GMCL1: variants seen among roughly 807,000 people sequenced by gnomAD.
The protein encoded by GMCL1 is germ cell-less 1, spermatogenesis associated.
A neutral mutation model predicts 75.5 loss-of-function variants in GMCL1; 54 were observed. The ratio of observed to expected loss-of-function variants is 0.71; its 90% CI spans 0.57 to 0.90. The LOEUF (loss-of-function observed/expected upper bound fraction) is 0.90, where lower values mean the gene tolerates loss of function less well. Ranked by LOEUF, GMCL1 falls within the 40% of genes least tolerant of loss-of-function variation. GMCL1 has a pLI of 0.00. For missense variants in GMCL1, 537 were observed against 622.7 expected (o/e 0.86, Z 1.47); for synonymous variants, 210 against 209.6 (o/e 1.00, Z -0.02).
intron 13 of GMCL1, among the ~76,000 whole-genome samples, chr2:69,875,495 T>C (rs1017283588): frequency 1.3e-5 from 2 of 152,140 alleles, no homozygotes; most frequent in African/African-American, 4.8e-5. Flanking sequence ...TTATCAAGTT[T>C]CCTTGCAAAA....
At chr2:69,858,202 A>T (rs1158011579) in intron 9 of GMCL1, among the ~76,000 whole-genome samples, 5 of 152,088 alleles carry the variant, frequency 3.3e-5, no homozygotes, top group Non-Finnish European at 5.9e-5. Flanking sequence ...GTGGGTAGAG[A>T]CAGAGTCTTG....
chr2:69,848,402 A>G (rs767060418), intron 7 of GMCL1, among the ~76,000 whole-genome samples: 39 of 152,350 alleles, frequency 2.6e-4, no homozygotes, highest in Admixed American at 8.5e-4. Context: ...GGGCTATCCA[A>G]TCTTTTAAAA....
intron 3 of GMCL1, chr2:69,840,157 C>G (rs988073731): frequency 6.6e-6 from 1 of 152,218 alleles, no homozygotes; most frequent in African/African-American, 2.4e-5. Context: ...GCCTGTAATC[C>G]CAGCACGTTG....
At chr2:69,850,981 C>A (rs903141461) in intron 8 of GMCL1, among the ~76,000 whole-genome samples, 7 of 152,128 alleles carry the variant, frequency 4.6e-5, no homozygotes, top group African/African-American at 1.4e-4. Context: ...CATATGTTTC[C>A]TCTTCTGTGA....
chr2:69,849,753 A>G lies in GMCL1; in HGVS notation c.934+11A>G. 1 of 1,521,150 alleles carries G rather than the reference A, an allele frequency of 6.6e-7. No individual in the cohort carries two copies. The highest frequency in any genetic ancestry group is 2.1e-5 in the Admixed American group (1 of 47,118). The allele number at this position is 1,521,150 out of a possible 1,614,324, so 94.2% of individuals were successfully genotyped here. On this transcript the variant is annotated intron_variant, in intron 8 of 13. Transcript: ENST00000282570. ...CTAAACAGAGGAAAGGTAGGCCTGA[A>G]GTTTTTGAGAACTTGTCTTTTAAAA...
Position 69,843,245 on chromosome 2 carries a change from G to C in GMCL1, c.676G>C (p.Asp226His). ...CACATCAGCAGGGACCTATGGATTA[G>C]ATTCTGTAAAGAAAAAGTGAGTTGC... is the stretch of plus-strand genomic sequence containing the variant. ...YYTSAGTYGLDSVKKKCLEWL... is the reference protein window; with the variant it reads ...YYTSAGTYGLHSVKKKCLEWL... Residue 226 changes from aspartate (D) to histidine (H), a missense_variant, in exon 5 of 14, where the codon GAT (aspartate) becomes CAT (histidine). Transcript: ENST00000282570. 6.3e-7 allele frequency: 1 copy of C among 1,588,196 alleles called. No homozygotes were observed. Among genetic ancestry groups the C allele is most frequent in the Non-Finnish European group, 8.6e-7 (1 of 1,158,680 alleles).
At chr2:69,833,675 T>G (rs1674737928) in intron 1 of GMCL1, among the ~76,000 whole-genome samples, 1 of 152,236 alleles carries the variant, frequency 6.6e-6, no homozygotes, top group African/African-American at 2.4e-5. Flanking sequence ...TTTTGTGTGT[T>G]GGCCCTAGTA....
At chr2:69,841,938 AG>A (rs1203041152) in intron 4 of GMCL1, among the ~76,000 whole-genome samples, 2 of 152,208 alleles carry the variant, frequency 1.3e-5, no homozygotes, top group African/African-American at 4.8e-5. Flanking sequence ...ATTGCAGAAG[AG>A]GGGGGCAGAA....
rs1676203959 is a variant in GMCL1 at position 69,878,971 on chromosome 2, C to T, written c.1515C>T (p.Asn505=). 1 of 1,606,596 alleles carries T rather than the reference C, an allele frequency of 6.2e-7. No individual in the cohort carries two copies. Among genetic ancestry groups the T allele is most frequent in the African/African-American group, 1.3e-5 (1 of 74,736 alleles). The change falls in exon 14 of 14, where the codon AAC becomes AAT. Residue 505 remains asparagine, a synonymous_variant. Transcript: ENST00000282570. ...TCTTCCCTTTATATATCTGCTGTAA[C>T]TTCTTGTATATATCACCAGAAAAAA... The part of the protein sequence containing the change: ...LLIFPLYICC[N]FLYISPEKKN
Position 69,829,904 on chromosome 2 carries a change from GAGC to G in GMCL1, c.16_18del (p.Ser6del). 1.2e-6 allele frequency: 2 copies of G among 1,600,234 alleles called. No homozygotes were observed. Among genetic ancestry groups the G allele is most frequent in the Non-Finnish European group, 8.5e-7 (1 of 1,173,410 alleles). On this transcript the variant is annotated inframe_deletion, in exon 1 of 14. Coordinates refer to ENST00000282570, the MANE Select transcript of GMCL1 (RefSeq NM_178439.5). The stretch of plus-strand genomic sequence containing the variant: ...GGGAGCCGTGACCCATGGGATCGTT[GAGC>G]AGCCGGGTGCTGCGCCAGCCAAGAC...
At chr2:69,850,982 T>A (rs1675303774) in intron 8 of GMCL1, among the ~76,000 whole-genome samples, 1 of 152,238 alleles carries the variant, frequency 6.6e-6, no homozygotes, top group African/African-American at 2.4e-5. Context: ...ATATGTTTCC[T>A]CTTCTGTGAG....
rs544354518 is a variant in GMCL1, at chr2:69,829,670, G to C, written c.-223G>C. On this transcript the variant is annotated 5_prime_UTR_variant, in exon 1 of 14. Coordinates refer to ENST00000282570, the MANE Select transcript of GMCL1 (RefSeq NM_178439.5). ...CGCCCTCCGTCCCGCGCTTTGTTGC[G>C]AAAGCGAGGGGGCGAGGTGCTGCGG... 2 of 525,078 alleles carry C rather than the reference G, an allele frequency of 3.8e-6. No individual in the cohort carries two copies. Among genetic ancestry groups the C allele is most frequent in the South Asian group, 5.5e-5 (2 of 36,496 alleles). The allele number at this position is 525,078 out of a possible 1,614,324, so 32.5% of individuals were successfully genotyped here. A position where few individuals can be genotyped will look rare whatever the true frequency, so the allele number is the denominator to read the frequency against.
At chr2:69,846,468 A>G (rs1416846196) in intron 6 of GMCL1, among the ~76,000 whole-genome samples, 6 of 152,218 alleles carry the variant, frequency 3.9e-5, no homozygotes, top group Non-Finnish European at 7.3e-5. Flanking sequence ...TGCAAATACT[A>G]TGCCATTTTA....
At chr2:69,843,397 A>G in intron 5 of GMCL1, 136 bp downstream of exon 5, 1 of 559,098 alleles carries the variant, frequency 1.8e-6, no homozygotes, top group South Asian at 2.3e-5. Flanking sequence ...TTTATTAAAT[A>G]AAAAGCCCCT....
chr2:69,844,802 G>A, intron 6 of GMCL1: 1 of 333,948 alleles, frequency 3.0e-6, no homozygotes, highest in Non-Finnish European at 6.5e-6. Context: ...CTCAGTGAGA[G>A]TGAGACAAGT....
intron 9 of GMCL1, among the ~76,000 whole-genome samples, chr2:69,860,935 T>G (rs552111199): frequency 6.6e-6 from 1 of 152,080 alleles, no homozygotes; most frequent in Non-Finnish European, 1.5e-5. Flanking sequence ...CTCCGCCTCC[T>G]GGGTTCAAGC....
intron 11 of GMCL1, among the ~76,000 whole-genome samples, chr2:69,869,059 C>T (rs976016857): frequency 2.0e-5 from 3 of 151,828 alleles, no homozygotes; most frequent in Non-Finnish European, 4.4e-5. Flanking sequence ...TCGAGACCAG[C>T]CTGACCAACA....
At chr2:69,867,335 T>C (rs371528291) in intron 11 of GMCL1, among the ~76,000 whole-genome samples, 7 of 152,264 alleles carry the variant, frequency 4.6e-5, no homozygotes, top group African/African-American at 1.7e-4. Context: ...CATGCTCTTG[T>C]GCTCCACCCT....
At chr2:69,843,526 C>T (rs758720284) in intron 5 of GMCL1, among the ~76,000 whole-genome samples, 6 of 152,146 alleles carry the variant, frequency 3.9e-5, no homozygotes, top group Non-Finnish European at 7.3e-5. Context: ...TGGTGGCTAA[C>T]ACCTGTAATC....
Sources: allele counts gnomAD v4.1 joint callset (sites outside exome capture counted in the v4.1 genomes callset), GRCh38; gene constraint gnomAD v4.1.1; transcripts MANE v1.5; gene names NCBI Gene and HGNC (gene_info 2026-07-23, HGNC 2026-07-21).